LARS1: variants seen among roughly 807,000 people sequenced by gnomAD.
LARS1 encodes the protein leucyl-tRNA synthetase 1, also known as leucine--tRNA ligase, cytoplasmic.
LARS1 carries 100 observed loss-of-function variants against 162.8 expected under a neutral mutation model. The ratio of observed to expected loss-of-function variants is 0.61; its 90% confidence interval spans 0.52 to 0.73. LARS1 has a LOEUF of 0.73. LARS1 is among the 30% of genes least tolerant of loss of function. LARS1 has a pLI of 0.00. For missense variants in LARS1, 1,258 were observed against 1,408.9 expected, an observed-to-expected ratio of 0.89 and a Z score of 1.71; for synonymous variants, 457 against 462.8, an observed-to-expected ratio of 0.99 and a Z score of 0.16.
chr5:146,177,969 G>A (rs932981271), intron 1 of LARS1, among the ~76,000 whole-genome samples: 3 of 151,964 alleles, frequency 2.0e-5, no homozygotes, highest in African/African-American at 7.3e-5. Context: ...GTGGTGGCGG[G>A]TACCTGTAAT....
chr5:146,120,917 G>A (rs1445922294), intron 30 of LARS1, among the ~76,000 whole-genome samples: 1 of 152,136 alleles, frequency 6.6e-6, no homozygotes, highest in Non-Finnish European at 1.5e-5. Flanking sequence ...AGGTCACACA[G>A]CTAGTAAGTG....
In LARS1 at chr5:146,161,753, C is replaced by CAA. The variant is rs202231403; in HGVS notation, c.595-1269_595-1268dup. 1.9e-3 allele frequency among the ~76,000 whole-genome samples: 245 copies of CAA among 130,276 alleles called. 2 individuals are homozygous for CAA. Among genetic ancestry groups the CAA allele is most frequent in the Middle Eastern group, 8.5e-3 (2 of 234 alleles). 85.5% of individuals were successfully genotyped at this position (130,276 alleles called of 152,430 possible). On this transcript the variant is annotated intron_variant, in intron 6 of 31. Transcript: ENST00000394434. ...GGGCAACAAGAGCAAAACTCCATCT[C>CAA]AAAAAAAAAAAAAAAATTTGGAGTG...
chr5:146,171,851 G>T, intron 4 of LARS1, 59 bp downstream of exon 4: 2 of 1,195,238 alleles, frequency 1.7e-6, no homozygotes, highest in East Asian at 2.4e-5. Flanking sequence ...CTCTTGAATT[G>T]GGTATTACTA....
At chr5:146,160,541 A>G (rs2126543993) in intron 6 of LARS1, 55 bp from the exon 7 acceptor site, 1 of 889,856 alleles carries the variant, frequency 1.1e-6, no homozygotes. Context: ...AATTTTGTTT[A>G]AATAAGAATT....
chr5:146,114,271 C>G lies in LARS1; in HGVS notation c.3366G>C (p.Leu1122=), dbSNP rs1252683569. ...KVKLMRFDDP[L]LGPRRVPVLG... Reference sequence around the variant, plus strand: ...GGACAGGAACTCGTCGAGGCCCCAACAGTGGATCATCAAATCTCATCAGTT... The same window carrying G: ...GGACAGGAACTCGTCGAGGCCCCAAGAGTGGATCATCAAATCTCATCAGTT... The change falls in exon 32 of 32, where the codon CTG becomes CTC. Residue 1122 remains leucine, a synonymous_variant. Transcript: ENST00000394434. The G allele has an allele frequency of 1.9e-6, 3 of 1,614,014 alleles. No homozygotes were observed. The highest frequency in any genetic ancestry group is 2.2e-5 in the East Asian group (1 of 44,884).
chr5:146,121,579 A>G (rs1220550902), intron 30 of LARS1, among the ~76,000 whole-genome samples: 4 of 152,172 alleles, frequency 2.6e-5, no homozygotes, highest in African/African-American at 9.6e-5. Context: ...ACCAACCCAA[A>G]TGCTCATCAA....
At chr5:146,124,142 C>A in intron 28 of LARS1, 56 bp from the exon 29 acceptor site, 1 of 1,012,018 alleles carries the variant, frequency 9.9e-7, no homozygotes. Context: ...TGTTGGAAAA[C>A]ATACTTCCTC....
At chr5:146,170,750 T>C (rs1269863573) in intron 4 of LARS1, among the ~76,000 whole-genome samples, 1 of 151,524 alleles carries the variant, frequency 6.6e-6, no homozygotes, top group Non-Finnish European at 1.5e-5. Flanking sequence ...ATCCCAGCAC[T>C]TTGGGAGGCC....
chr5:146,175,092 G>A (rs558175269), intron 2 of LARS1, among the ~76,000 whole-genome samples: 137 of 151,752 alleles, frequency 9.0e-4, no homozygotes, highest in African/African-American at 3.1e-3. Context: ...GGTGGCGTGC[G>A]CCTACAGTCC....
At chr5:146,130,751 T>C (rs552175760) in intron 24 of LARS1, 4 of 291,188 alleles carry the variant, frequency 1.4e-5, no homozygotes, top group Non-Finnish European at 2.5e-5. Context: ...CTGGAAAGTA[T>C]AGCTGAATTT....
At chr5:146,148,874 G>T (rs1200238085) in intron 15 of LARS1, among the ~76,000 whole-genome samples, 1 of 152,026 alleles carries the variant, frequency 6.6e-6, no homozygotes, top group Non-Finnish European at 1.5e-5. Flanking sequence ...TCGGGAGTTC[G>T]AGACCAGCCT....
intron 5 of LARS1, among the ~76,000 whole-genome samples, chr5:146,166,823 A>G (rs893841428): frequency 1.3e-5 from 2 of 150,294 alleles, no homozygotes; most frequent in Admixed American, 1.3e-4. Flanking sequence ...ATGGCCTCAA[A>G]AGATCTCTCC....
chr5:146,154,552 C>G (rs1029931544), intron 10 of LARS1, among the ~76,000 whole-genome samples: 5 of 152,124 alleles, frequency 3.3e-5, no homozygotes, highest in African/African-American at 9.7e-5. Flanking sequence ...CTGAGGCAGG[C>G]AGATTGCCTG....
rs35861595 is a variant in LARS1, at chr5:146,113,664, TA to T, written c.*441del. 5.1e-4 allele frequency: 76 copies of T among 150,156 alleles called. 1 individual carries two copies. Among genetic ancestry groups the T allele is most frequent in the Middle Eastern group, 3.5e-3 (1 of 288 alleles). 9.3% of individuals were successfully genotyped at this position (150,156 alleles called of 1,614,324 possible). A position where few individuals can be genotyped will look rare whatever the true frequency, so the allele number is the denominator to read the frequency against. On this transcript the variant is annotated 3_prime_UTR_variant, in exon 32 of 32. Coordinates refer to ENST00000394434, the MANE Select transcript of LARS1 (RefSeq NM_020117.11). Reference sequence around the variant, plus strand: ...AAATCATCATGAAGTTCTCTTCATTTAAAAAAAAAAGCTGCTAATTTACTAC... The same window carrying T: ...AAATCATCATGAAGTTCTCTTCATTTAAAAAAAAAGCTGCTAATTTACTAC...
chr5:146,169,421 G>T (rs969333629), intron 4 of LARS1, among the ~76,000 whole-genome samples: 16 of 152,118 alleles, frequency 1.1e-4, no homozygotes, highest in Admixed American at 7.2e-4. Context: ...CTATTCAGAA[G>T]AATTTCAACC....
intron 4 of LARS1, among the ~76,000 whole-genome samples, chr5:146,171,425 T>G (rs1417258761): frequency 1.3e-5 from 2 of 152,136 alleles, no homozygotes; most frequent in African/African-American, 2.4e-5. Context: ...GGATTTAAAT[T>G]TCCTAATCCT....
rs1292952425 is a variant in LARS1 at position 146,168,149 on chromosome 5, CTTAA to C, written c.407_410del (p.Ile136ArgfsTer25). 6.2e-7 allele frequency: 1 copy of C among 1,606,022 alleles called. No homozygotes were observed. The highest frequency in any genetic ancestry group is 8.5e-7 in the Non-Finnish European group (1 of 1,175,114). ...AAACCTTTTTTCCTTTAGCTTTATC[CTTAA>C]TTATTATATCTTCTGTTTTAACACT... On this transcript the variant is annotated frameshift_variant, in exon 5 of 32. Transcript: ENST00000394434. LOFTEE classifies it high-confidence loss of function.
chr5:146,151,587 A>G (rs1056705973), intron 14 of LARS1, among the ~76,000 whole-genome samples: 1 of 152,254 alleles, frequency 6.6e-6, no homozygotes, highest in African/African-American at 2.4e-5. Context: ...AGTTTACTGC[A>G]TAATAATATG....
At chr5:146,147,540 C>G (rs910057390) in intron 15 of LARS1, among the ~76,000 whole-genome samples, 1 of 151,934 alleles carries the variant, frequency 6.6e-6, no homozygotes, top group African/African-American at 2.4e-5. Context: ...TTGAAATTTT[C>G]CATACGATTC....
Sources: gnomAD v4.1 joint callset for allele counts (sites outside exome capture counted in the v4.1 genomes callset) on GRCh38, gnomAD v4.1.1 for gene constraint, MANE v1.5 for transcripts, NCBI Gene and HGNC (gene_info 2026-07-23, HGNC 2026-07-21) for gene names.